Variants in RPTOR observed in about 807,000 individuals in gnomAD.
RPTOR encodes regulatory-associated protein of mTOR.
In RPTOR, 21 loss-of-function variants were observed where a neutral mutation model predicts 169.9. That is an observed-to-expected ratio of 0.12 (90% CI 0.09 to 0.18). The LOEUF is 0.18. Ranked by LOEUF, RPTOR falls within the 10% of genes least tolerant of loss-of-function variation. The probability of loss-of-function intolerance (pLI) is 1.00; values close to 1 mark genes in which losing one functional copy is unlikely to be tolerated. For synonymous variants in RPTOR, 732 were observed against 753.2 expected (o/e 0.97, Z 0.46); for missense variants, 1,133 against 1,855.9 (o/e 0.61, Z 7.16).
chr17:80,938,468 C>T (rs1278886033), intron 24 of RPTOR, among the ~76,000 whole-genome samples: 1 of 152,182 alleles, frequency 6.6e-6, no homozygotes, highest in Non-Finnish European at 1.5e-5. Flanking sequence ...GTCTTTCCAC[C>T]GCGGGTTTTT....
chr17:80,964,164 A>T, intron 33 of RPTOR, 98 bp from the exon 34 acceptor site: 1 of 1,045,962 alleles, frequency 9.6e-7, no homozygotes, highest in Non-Finnish European at 1.5e-6. Flanking sequence ...AGACCCCGGC[A>T]GGAGCTGCCT....
intron 9 of RPTOR, among the ~76,000 whole-genome samples, chr17:80,836,368 T>A (rs2067564369): frequency 6.6e-6 from 1 of 152,250 alleles, no homozygotes; most frequent in African/African-American, 2.4e-5. Context: ...GCCTGCTATG[T>A]GCCTGGCACT....
intron 1 of RPTOR, among the ~76,000 whole-genome samples, chr17:80,604,628 A>G (rs2065215059): frequency 6.6e-6 from 1 of 152,206 alleles, no homozygotes; most frequent in African/African-American, 2.4e-5. Context: ...TATAAAGGAA[A>G]GAGGTTTAAT....
At chr17:80,810,457 AC>A (rs1271108782) in intron 7 of RPTOR, among the ~76,000 whole-genome samples, 1 of 152,166 alleles carries the variant, frequency 6.6e-6, no homozygotes, top group Admixed American at 6.5e-5. Flanking sequence ...TTTGACTATA[AC>A]TGTATAGTTC....
At position 80,878,375 on chromosome 17, in the gene RPTOR, C is replaced by T. The variant is rs945453864; in HGVS notation, c.1510-2040C>T. On this transcript the variant is annotated intron_variant, in intron 13 of 33. Transcript: ENST00000306801. This position sits in a 1 kb window ranked among gnomAD's most constrained non-coding sequence, Gnocchi z 4.1. ...AGATTTTTTTTTTTTGAGACGTAGT[C>T]TTGCTCTGTCGCCCAGGCTGGAATG... Among the ~76,000 whole-genome samples the T allele has an allele frequency of 2.6e-5, 4 of 151,912 alleles. No homozygotes were observed. Among genetic ancestry groups the T allele is most frequent in the Non-Finnish European group, 5.9e-5 (4 of 67,960 alleles).
intron 7 of RPTOR, among the ~76,000 whole-genome samples, chr17:80,804,054 G>A (rs1441267973): frequency 6.6e-6 from 1 of 152,202 alleles, no homozygotes; most frequent in Non-Finnish European, 1.5e-5. Context: ...GCACTTAATG[G>A]GTCTACAGGG....
intron 3 of RPTOR, among the ~76,000 whole-genome samples, chr17:80,674,258 G>A (rs2065843952): frequency 6.6e-6 from 1 of 152,122 alleles, no homozygotes; most frequent in South Asian, 2.1e-4. Flanking sequence ...AGTTTATTTT[G>A]GGGCAAAATG....
intron 3 of RPTOR, among the ~76,000 whole-genome samples, chr17:80,701,298 C>T (rs1222437405): frequency 6.6e-6 from 1 of 152,194 alleles, no homozygotes; most frequent in Non-Finnish European, 1.5e-5. Context: ...TATATTCTTG[C>T]CATTTATTCT....
Position 80,682,253 on chromosome 17 carries a change from G to A in RPTOR, c.349-25588G>A, listed in dbSNP as rs760422121. On this transcript the variant is annotated intron_variant, in intron 3 of 33. Coordinates refer to ENST00000306801, the MANE Select transcript of RPTOR (RefSeq NM_020761.3). ...CAAGTATCTAGAACTACAGACCTGCGCCACCACACCCAGCTAATTGTTAAA... is the reference window on the plus strand; with the variant it reads ...CAAGTATCTAGAACTACAGACCTGCACCACCACACCCAGCTAATTGTTAAA... 2.6e-5 allele frequency among the ~76,000 whole-genome samples: 4 copies of A among 151,816 alleles called. 1 individual carries two copies. In the South Asian group the frequency reaches 6.2e-4, roughly 24 times the overall value.
intron 6 of RPTOR, among the ~76,000 whole-genome samples, chr17:80,773,306 G>A (rs1330087025): frequency 2.6e-5 from 4 of 152,240 alleles, no homozygotes; most frequent in African/African-American, 4.8e-5. Context: ...TTCTCTGTTC[G>A]CACAGAGACT....
intron 1 of RPTOR, among the ~76,000 whole-genome samples, chr17:80,599,812 G>T (rs558161769): frequency 6.6e-6 from 1 of 152,150 alleles, no homozygotes; most frequent in Non-Finnish European, 1.5e-5. Context: ...AGGTGGTGGT[G>T]GGAAGCCTGG....
chr17:80,693,953 C>A (rs542865855), intron 3 of RPTOR, among the ~76,000 whole-genome samples: 22 of 152,314 alleles, frequency 1.4e-4, no homozygotes, highest in East Asian at 5.8e-4. Context: ...TTGCTCCTGG[C>A]GGCCGATGCT....
chr17:80,888,716 C>T (rs1478607102), intron 17 of RPTOR, among the ~76,000 whole-genome samples: 1 of 152,248 alleles, frequency 6.6e-6, no homozygotes. Flanking sequence ...GCTGCACCCA[C>T]CCAGAACACA....
chr17:80,760,307 C>CTTT (rs71164001), intron 6 of RPTOR, among the ~76,000 whole-genome samples: 2 of 116,508 alleles, frequency 1.7e-5, no homozygotes, highest in African/African-American at 6.7e-5. Context: ...TTTCTTTTTT[C>CTTT]TTTTTTTTTT....
intron 6 of RPTOR, among the ~76,000 whole-genome samples, chr17:80,757,078 A>G (rs1362258700): frequency 6.6e-6 from 1 of 152,144 alleles, no homozygotes; most frequent in African/African-American, 2.4e-5. Flanking sequence ...ACAGGAGGCC[A>G]TGGGAAAGGG....
chr17:80,586,089 C>T (rs2065058622), intron 1 of RPTOR, among the ~76,000 whole-genome samples: 3 of 152,104 alleles, frequency 2.0e-5, no homozygotes, highest in Admixed American at 1.3e-4. Context: ...GATGGAGGGG[C>T]CGCTAGGCAG....
intron 6 of RPTOR, among the ~76,000 whole-genome samples, chr17:80,758,847 G>C (rs1161577691): frequency 6.6e-6 from 1 of 151,936 alleles, no homozygotes; most frequent in Non-Finnish European, 1.5e-5. Flanking sequence ...GCAGATGGGT[G>C]GGGGAGCAGT....
At chr17:80,817,926 G>T (rs1393706116) in intron 7 of RPTOR, among the ~76,000 whole-genome samples, 1 of 152,166 alleles carries the variant, frequency 6.6e-6, no homozygotes, top group Non-Finnish European at 1.5e-5. Context: ...GCAGGGCCGG[G>T]GTCATCATGA....
Position 80,645,210 on chromosome 17 carries a change from C to T in RPTOR, c.348+1400C>T, listed in dbSNP as rs188389004. Among the ~76,000 whole-genome samples, 361 of 152,248 alleles carry T rather than the reference C, an allele frequency of 2.4e-3. 1 individual carries two copies. The highest frequency in any genetic ancestry group is 8.4e-3 in the African/African-American group (350 of 41,544). On this transcript the variant is annotated intron_variant, in intron 3 of 33. Transcript: ENST00000306801. ...CTCAGCATGGTGAGACGGGCACTTG[C>T]AGGAGTGTGGGGCAGAGTGGCAGTA...
Sources: allele counts gnomAD v4.1 joint callset (sites outside exome capture counted in the v4.1 genomes callset), GRCh38; gene constraint gnomAD v4.1.1; non-coding constraint Gnocchi (gnomAD v3.1); transcripts MANE v1.5; gene names NCBI Gene and HGNC (gene_info 2026-07-23, HGNC 2026-07-21).